The following LILRA6 variants were observed in gnomAD, a reference collection of about 807,000 sequenced individuals.
LILRA6 encodes leukocyte immunoglobulin-like receptor subfamily A member 6.
A neutral mutation model predicts 53.9 loss-of-function variants in LILRA6; 16 were observed. That is an observed-to-expected ratio of 0.30 (90% CI 0.20 to 0.45). The LOEUF is 0.45. LILRA6 is among the 20% of genes least tolerant of loss of function. LILRA6 has a pLI of 1.00. For synonymous variants in LILRA6, 135 were observed against 256.4 expected (o/e 0.53, Z 4.52); for missense variants, 306 against 618.6 (o/e 0.49, Z 5.36).
exon 8 of LILRA6, chr19:54,239,080 G>T: frequency 6.2e-7 from 1 of 1,611,236 alleles, no homozygotes; most frequent in Non-Finnish European, 8.5e-7. Context: ...GTAATCCTTG[G>T]CGTGTGAGGC....
intron 1 of LILRA6, 22 bp from the exon 2 acceptor site, chr19:54,242,576 G>A (rs2147550397): frequency 9.3e-7 from 1 of 1,078,036 alleles, no homozygotes; most frequent in East Asian, 2.5e-5. Flanking sequence ...TTCCCTGTGA[G>A]GCATTTGCCC....
exon 3 of LILRA6, chr19:54,242,225 G>C (rs2078785289): frequency 1.4e-6 from 2 of 1,422,360 alleles, no homozygotes; most frequent in Non-Finnish European, 1.9e-6. Context: ...GGGCCTCCAG[G>C]CTCCCCTGAC....
At position 54,242,464 on chromosome 19, in the gene LILRA6, T is replaced by A; in HGVS notation, c.70+55A>T. ...GTCTCCTCCCCCAGCTGCCCATGTG[T>A]GGCCCTTGTCCCTAGTAAGGATGAG... On this transcript the variant is annotated intron_variant, in intron 2 of 7. Coordinates refer to ENST00000396365, the Ensembl canonical transcript of LILRA6. 1.4e-5 allele frequency: 15 copies of A among 1,077,202 alleles called. 5 individuals carry two copies. Among genetic ancestry groups the A allele is most frequent in the Non-Finnish European group, 1.7e-5 (13 of 783,774 alleles). 66.7% of individuals were successfully genotyped at this position (1,077,202 alleles called of 1,614,324 possible).
chr19:54,238,806 G>A, exon 8 of LILRA6: 1 of 1,405,124 alleles, frequency 7.1e-7, no homozygotes, highest in Non-Finnish European at 9.4e-7. Context: ...CAAAATTTGT[G>A]ATCAGACATG....
chr19:54,239,904 G>T lies in LILRA6; in HGVS notation c.1306C>A (p.Pro436Thr). 4 of 1,553,936 alleles carry T rather than the reference G, an allele frequency of 2.6e-6. No individual in the cohort carries two copies. The East Asian group carries it at 9.7e-5, about 38-fold the overall frequency. ...CCACGAGGCCTCAGTGACTCACCAG[G>T]TGTGGAGGGCGGCCCTGTGGGTGGG... Residue 436 changes from proline (P) to threonine (T), a missense_variant, in exon 7 of 8, where the codon CCT (proline) becomes ACT (threonine). Pro to Thr is a conservative substitution (Grantham distance 38). Transcript: ENST00000396365.
chr19:54,242,125 G>A, exon 3 of LILRA6: 1 of 1,392,654 alleles, frequency 7.2e-7, no homozygotes, highest in Non-Finnish European at 9.7e-7. Flanking sequence ...GTTATGGATG[G>A]GATGGAGAAT....
chr19:54,240,477 T>G, exon 6 of LILRA6: 1 of 1,566,594 alleles, frequency 6.4e-7, no homozygotes. Flanking sequence ...AAGGAAAGTG[T>G]CAAACTGCCA....
chr19:54,241,030 G>A (rs1212275654), exon 5 of LILRA6: 19 of 1,613,108 alleles, frequency 1.2e-5, no homozygotes, highest in Non-Finnish European at 1.5e-5. Context: ...GAACAAATCT[G>A]TCGTAGCCGA....
At position 54,242,740 on chromosome 19, in the gene LILRA6, G is replaced by T. The variant is rs199943671; in HGVS notation, c.12C>A (p.Thr4=). Residue 4 remains threonine, a synonymous_variant, in exon 1 of 8, where the codon ACC becomes ACA. Coordinates refer to ENST00000396365, the Ensembl canonical transcript of LILRA6. Reference sequence around the variant, plus strand: ...CACCTAGGCAGAGCAGGGCTGCGAGGGTGGGGGTCATGGCGTCTCCTCCTG... The same window carrying T: ...CACCTAGGCAGAGCAGGGCTGCGAGTGTGGGGGTCATGGCGTCTCCTCCTG... 1.8e-5 allele frequency: 19 copies of T among 1,066,430 alleles called. 7 individuals are homozygous for T. The highest frequency in any genetic ancestry group is 3.8e-5 in the African/African-American group (2 of 52,182). 66.1% of individuals were successfully genotyped at this position (1,066,430 alleles called of 1,614,324 possible). A position where few individuals can be genotyped will look rare whatever the true frequency, so the allele number is the denominator to read the frequency against.
intron 7 of LILRA6, chr19:54,239,586 G>A: frequency 1.8e-6 from 2 of 1,082,554 alleles, no homozygotes; most frequent in South Asian, 1.5e-5. Flanking sequence ...CAGGGTCAGG[G>A]CCCTCACCTG....
exon 6 of LILRA6, chr19:54,240,346 A>G (rs751620576): frequency 1.2e-6 from 2 of 1,605,192 alleles, no homozygotes; most frequent in Non-Finnish European, 1.7e-6. Context: ...GAGCCGTAGC[A>G]CCTGTAGGTC....
At chr19:54,239,024 C>A in exon 8 of LILRA6, 1 of 1,611,084 alleles carries the variant, frequency 6.2e-7, no homozygotes, top group South Asian at 1.1e-5. Flanking sequence ...CCGAGGAACA[C>A]CAGGACCAAG....
At chr19:54,237,835 GTAGTATCCCT>G (rs1488644841), downstream of LILRA6, 3 of 149,910 alleles carry the variant, frequency 2.0e-5, no homozygotes, top group Non-Finnish European at 4.4e-5. Context: ...GCACGGCCTC[GTAGTATCCCT>G]TGGTGGAATT....
At position 54,241,566 on chromosome 19, in the gene LILRA6, G is replaced by C; in HGVS notation, c.658+10C>G. The C allele has an allele frequency of 1.4e-6, 2 of 1,455,090 alleles. No individual in the cohort carries two copies. Among genetic ancestry groups the C allele is most frequent in the Non-Finnish European group, 1.9e-6 (2 of 1,060,148 alleles). 90.1% of individuals were successfully genotyped at this position (1,455,090 alleles called of 1,614,324 possible). A position where few individuals can be genotyped will look rare whatever the true frequency, so the allele number is the denominator to read the frequency against. On this transcript the variant is annotated intron_variant, in intron 4 of 7. Coordinates refer to ENST00000396365, the Ensembl canonical transcript of LILRA6. ...CGAAAGTGTGTTAGACAAGGCCGTGGCTCCCTCACCTGAGGGCAGAATCTC... is the reference window on the plus strand; with the variant it reads ...CGAAAGTGTGTTAGACAAGGCCGTGCCTCCCTCACCTGAGGGCAGAATCTC...
At chr19:54,242,101 C>T (rs1268321922) in exon 3 of LILRA6, 1 of 1,394,402 alleles carries the variant, frequency 7.2e-7, no homozygotes, top group Non-Finnish European at 9.7e-7. Flanking sequence ...CGGTATCTCC[C>T]CGCATGGTGC....
chr19:54,239,222 G>C, intron 7 of LILRA6, 133 bp from the exon 8 acceptor site: 1 of 1,550,242 alleles, frequency 6.5e-7, no homozygotes, highest in Non-Finnish European at 8.7e-7. Flanking sequence ...CCCCATAACT[G>C]TCTGACTTGT....
At chr19:54,238,807 A>G in exon 8 of LILRA6, 1 of 1,411,328 alleles carries the variant, frequency 7.1e-7, no homozygotes. Flanking sequence ...AAAATTTGTG[A>G]TCAGACATGA....
At chr19:54,242,625 G>A in intron 1 of LILRA6, 71 bp from the exon 2 acceptor site, 2 of 1,081,702 alleles carry the variant, frequency 1.8e-6, no homozygotes, top group Non-Finnish European at 2.5e-6. Flanking sequence ...GGTGCCTCCT[G>A]AGCTTTTGAG....
At chr19:54,239,141 C>T (rs1265341438) in intron 7 of LILRA6, 52 bp from the exon 8 acceptor site, 2 of 1,606,068 alleles carry the variant, frequency 1.2e-6, no homozygotes. Context: ...TCAACTTCAC[C>T]CAGGACCCCT....
Sources: allele counts gnomAD v4.1 joint callset, GRCh38; gene constraint gnomAD v4.1.1; transcripts MANE v1.5; gene names NCBI Gene and HGNC (gene_info 2026-07-23, HGNC 2026-07-21).